The following NPAS3 variants were observed in gnomAD, a reference collection of about 807,000 sequenced individuals.
NPAS3 encodes the protein neuronal PAS domain-containing protein 3.
A neutral mutation model predicts 73.1 loss-of-function variants in NPAS3; 14 were observed. The observed-to-expected ratio is 0.19, with a 90% CI of 0.13 to 0.30. NPAS3 has a LOEUF of 0.30. Ranked by LOEUF, NPAS3 falls within the 10% of genes least tolerant of loss-of-function variation. The pLI is 1.00. For missense variants in NPAS3, 1,096 were observed against 1,250.0 expected (o/e 0.88, Z 1.86); for synonymous variants, 620 against 541.5 (o/e 1.14, Z -2.01).
At chr14:33,477,915 C>G (rs909917519) in intron 4 of NPAS3, among the ~76,000 whole-genome samples, 1 of 152,086 alleles carries the variant, frequency 6.6e-6, no homozygotes, top group Non-Finnish European at 1.5e-5. Flanking sequence ...GAGTCTGGTC[C>G]AAGTAGAGTG....
chr14:33,330,998 A>G (rs1015118924), intron 3 of NPAS3, among the ~76,000 whole-genome samples: 2 of 152,246 alleles, frequency 1.3e-5, no homozygotes, highest in Non-Finnish European at 2.9e-5. Context: ...CAAAATTTAA[A>G]CTATTTACAC....
chr14:33,733,847 T>C (rs891042350), intron 6 of NPAS3, among the ~76,000 whole-genome samples: 3 of 151,874 alleles, frequency 2.0e-5, no homozygotes, highest in African/African-American at 7.3e-5. Flanking sequence ...CACCCCAGAA[T>C]AGAAATGCCA....
At chr14:33,293,381 T>G (rs781030160) in intron 3 of NPAS3, among the ~76,000 whole-genome samples, 2 of 152,162 alleles carry the variant, frequency 1.3e-5, no homozygotes, top group Non-Finnish European at 2.9e-5. Context: ...TCAATAAACA[T>G]TTATTGAGCA....
intron 3 of NPAS3, among the ~76,000 whole-genome samples, chr14:33,246,929 G>C (rs550469497): frequency 8.0e-5 from 12 of 149,126 alleles, no homozygotes; most frequent in African/African-American, 3.0e-4. Flanking sequence ...CAGGAGAATT[G>C]CTTGAACCTG....
chr14:33,670,656 C>T (rs796249757), intron 5 of NPAS3, among the ~76,000 whole-genome samples: 60 of 151,706 alleles, frequency 4.0e-4, no homozygotes, highest in African/African-American at 1.4e-3. Context: ...TCCTGACCTG[C>T]TGTGGTGAGA....
intron 9 of NPAS3, among the ~76,000 whole-genome samples, chr14:33,780,064 G>A (rs1382320727): frequency 2.0e-5 from 3 of 152,216 alleles, no homozygotes; most frequent in African/African-American, 7.2e-5. Flanking sequence ...ATCCTGTACT[G>A]TGTTTTTAAC....
intron 1 of NPAS3, among the ~76,000 whole-genome samples, chr14:33,050,364 C>A (rs1258136950): frequency 6.6e-6 from 1 of 152,168 alleles, no homozygotes; most frequent in African/African-American, 2.4e-5. Context: ...CATCTCCAAG[C>A]CAACATTTTA....
At chr14:33,424,166 G>T (rs2048462631) in intron 4 of NPAS3, among the ~76,000 whole-genome samples, 1 of 152,006 alleles carries the variant, frequency 6.6e-6, no homozygotes, top group Non-Finnish European at 1.5e-5. Context: ...TTGAGAAAGT[G>T]ATACTCAAGC....
chr14:33,145,424 T>C (rs1305777430), intron 2 of NPAS3, among the ~76,000 whole-genome samples: 1 of 152,240 alleles, frequency 6.6e-6, no homozygotes, highest in African/African-American at 2.4e-5. Flanking sequence ...TTTTTCTCCT[T>C]TGCAAATTAA....
At chr14:33,712,207 G>GAGTC (rs930504677) in intron 6 of NPAS3, among the ~76,000 whole-genome samples, 5 of 152,170 alleles carry the variant, frequency 3.3e-5, no homozygotes, top group African/African-American at 1.2e-4. Context: ...TTTGCAACCA[G>GAGTC]AGTCTCCCCC....
intron 4 of NPAS3, among the ~76,000 whole-genome samples, chr14:33,494,333 T>G (rs936287846): frequency 1.3e-5 from 2 of 152,166 alleles, no homozygotes; most frequent in East Asian, 3.9e-4. Context: ...GAAAAACACC[T>G]GTTAGCCCCG....
At chr14:33,635,101 G>C (rs2058479117) in intron 5 of NPAS3, among the ~76,000 whole-genome samples, 1 of 152,134 alleles carries the variant, frequency 6.6e-6, no homozygotes, top group African/African-American at 2.4e-5. Context: ...AGATTTTTAT[G>C]AAAATATGGA....
At chr14:33,062,153 G>C (rs1163250291) in intron 2 of NPAS3, among the ~76,000 whole-genome samples, 1 of 152,088 alleles carries the variant, frequency 6.6e-6, no homozygotes, top group Non-Finnish European at 1.5e-5. Flanking sequence ...TCTTCGAGAA[G>C]AATTACCCTG....
intron 4 of NPAS3, among the ~76,000 whole-genome samples, chr14:33,503,627 A>G (rs558151564): frequency 2.3e-3 from 348 of 152,048 alleles, no homozygotes; most frequent in Non-Finnish European, 3.9e-3. Context: ...ATTCTCATAT[A>G]TAGTTTATTG....
chr14:33,663,664 C>T (rs1274304855), intron 5 of NPAS3, among the ~76,000 whole-genome samples: 2 of 152,034 alleles, frequency 1.3e-5, no homozygotes, highest in Non-Finnish European at 2.9e-5. Flanking sequence ...GCTATGAATC[C>T]GTCTGGTCCT....
chr14:33,045,933 C>A (rs1374810430), intron 1 of NPAS3, among the ~76,000 whole-genome samples: 1 of 152,166 alleles, frequency 6.6e-6, no homozygotes, highest in East Asian at 1.9e-4. Context: ...TGGAGACCAA[C>A]ACAGACCTAC....
intron 9 of NPAS3, among the ~76,000 whole-genome samples, chr14:33,779,384 C>T (rs2062914495): frequency 6.6e-6 from 1 of 152,130 alleles, no homozygotes; most frequent in Non-Finnish European, 1.5e-5. Flanking sequence ...CCTCTTCTGA[C>T]CAGAGGTCCT....
chr14:33,676,624 CT>C (rs1566409100), intron 6 of NPAS3, among the ~76,000 whole-genome samples: 2 of 152,154 alleles, frequency 1.3e-5, no homozygotes, highest in Non-Finnish European at 1.5e-5. Context: ...GGTACTAGTT[CT>C]TTTAGTTTCT....
rs1217239215 is a variant in NPAS3, at chr14:33,320,675, C to G, written c.386-46511C>G. Among the ~76,000 whole-genome samples the G allele has an allele frequency of 5.3e-5, 8 of 152,280 alleles. No individual in the cohort carries two copies. In the East Asian group the frequency reaches 1.5e-3, roughly 29 times the overall value. ...GTTTACACCTGTGTCACCCACAGCA[C>G]CTGACATGGCAGAGGGAAGCACATT... On this transcript the variant is annotated intron_variant, in intron 3 of 11. Coordinates refer to ENST00000356141, the Ensembl canonical transcript of NPAS3.
Sources: gnomAD v4.1 joint callset for allele counts (sites outside exome capture counted in the v4.1 genomes callset) on GRCh38, gnomAD v4.1.1 for gene constraint, MANE v1.5 for transcripts, NCBI Gene and HGNC (gene_info 2026-07-23, HGNC 2026-07-21) for gene names.